Variants in ZDHHC6 observed in about 807,000 individuals in gnomAD.
ZDHHC6 encodes zDHHC palmitoyltransferase 6.
In ZDHHC6, 32 loss-of-function variants were observed where a neutral mutation model predicts 57.8. The ratio of observed to expected loss-of-function variants is 0.55; its 90% CI spans 0.42 to 0.74. The LOEUF is 0.74. Ranked by LOEUF, ZDHHC6 falls within the 30% of genes least tolerant of loss-of-function variation. ZDHHC6 has a pLI of 0.00. For missense variants in ZDHHC6, 433 were observed against 500.7 expected (o/e 0.86, Z 1.29); for synonymous variants, 128 against 158.0 (o/e 0.81, Z 1.42).
At chr10:112,428,410 T>C (rs1008640000), downstream of ZDHHC6, 1 of 398,624 alleles carries the variant, frequency 2.5e-6, no homozygotes, top group Non-Finnish European at 4.4e-6. Context: ...TCATGGACCA[T>C]GATGAAAATC....
At chr10:112,424,695 G>A (rs1192075292) in exon 12 of ZDHHC6, 2 of 152,288 alleles carry the variant, frequency 1.3e-5, no homozygotes, top group East Asian at 3.9e-4. Flanking sequence ...GTTAGCATGT[G>A]GATTTTATTT....
At chr10:112,442,394 G>A (rs768653207) in intron 3 of ZDHHC6, 43 bp from the exon 4 acceptor site, 5 of 1,572,866 alleles carry the variant, frequency 3.2e-6, no homozygotes, top group Non-Finnish European at 4.3e-6. Context: ...AGAAAATCCT[G>A]TCTACTTTAA....
rs1846583800 is a variant in ZDHHC6, at chr10:112,445,577, C to G, written c.-141G>C. Reference sequence around the variant, plus strand: ...CTGTGAACTGTTAACGCAGATTACACCATTTTCACTGTCAGGCACCCAAAG... The same window carrying G: ...CTGTGAACTGTTAACGCAGATTACAGCATTTTCACTGTCAGGCACCCAAAG... On this transcript the variant is annotated 5_prime_UTR_variant, in exon 2 of 11. Coordinates refer to ENST00000369405, the MANE Select transcript of ZDHHC6 (RefSeq NM_022494.3). 1.0e-6 allele frequency: 1 copy of G among 974,390 alleles called. No homozygotes were observed. The highest frequency in any genetic ancestry group is 1.5e-6 in the Non-Finnish European group (1 of 680,718). 60.4% of individuals were successfully genotyped at this position (974,390 alleles called of 1,614,324 possible).
intron 1 of ZDHHC6, among the ~76,000 whole-genome samples, chr10:112,446,421 C>T (rs1370018913): frequency 6.6e-6 from 1 of 152,078 alleles, no homozygotes; most frequent in Non-Finnish European, 1.5e-5. Flanking sequence ...CGGCGAGCTC[C>T]GGAGAGATTT....
downstream of ZDHHC6, chr10:112,427,275 C>CCAA: frequency 6.2e-7 from 1 of 1,613,840 alleles, no homozygotes; most frequent in Non-Finnish European, 8.5e-7. Flanking sequence ...GCTCTTGACA[C>CCAA]CAACATTGAA....
rs1187208063 is a variant in ZDHHC6 at position 112,430,328 on chromosome 10, T to C, written c.*476A>G. Reference sequence around the variant, plus strand: ...TACCCAACATCCATTGATCTTTATTTGATTTGACAAAATCTGCATTTTTAA... The same window carrying C: ...TACCCAACATCCATTGATCTTTATTCGATTTGACAAAATCTGCATTTTTAA... On this transcript the variant is annotated 3_prime_UTR_variant, in exon 11 of 11. Coordinates refer to ENST00000369405, the MANE Select transcript of ZDHHC6 (RefSeq NM_022494.3). 1.3e-5 allele frequency: 2 copies of C among 152,328 alleles called. No homozygotes were observed. The highest frequency in any genetic ancestry group is 6.5e-5 in the Admixed American group (1 of 15,288). 9.4% of individuals were successfully genotyped at this position (152,328 alleles called of 1,614,324 possible).
downstream of ZDHHC6, among the ~76,000 whole-genome samples, chr10:112,430,014 A>T (rs192428293): frequency 2.0e-3 from 310 of 152,224 alleles, no homozygotes; most frequent in Non-Finnish European, 3.3e-3. Context: ...CCTAGAGCAC[A>T]AGGATGCCCG....
intron 5 of ZDHHC6, among the ~76,000 whole-genome samples, chr10:112,439,991 TATG>T (rs1485550789): frequency 1.3e-5 from 2 of 152,146 alleles, no homozygotes. Context: ...TTAGCTATAT[TATG>T]ATTACTATTA....
intron 3 of ZDHHC6, among the ~76,000 whole-genome samples, chr10:112,442,749 T>C (rs1219146585): frequency 2.0e-5 from 3 of 152,170 alleles, no homozygotes; most frequent in Non-Finnish European, 4.4e-5. Context: ...AAATCCCTTA[T>C]AGACCTCCAG....
chr10:112,447,397 C>G, upstream of ZDHHC6: 1 of 1,613,674 alleles, frequency 6.2e-7, no homozygotes, highest in Non-Finnish European at 8.5e-7. Flanking sequence ...TCGAAGGTTA[C>G]GAGCAGGACT....
Position 112,445,336 on chromosome 10 carries a change from C to T in ZDHHC6, c.101G>A (p.Cys34Tyr). The change falls in exon 2 of 11, where the codon TGT (cysteine) becomes TAT (tyrosine). Residue 34 changes from cysteine (C) to tyrosine (Y), a missense_variant. Cys to Tyr is a radical substitution (Grantham distance 194). Coordinates refer to ENST00000369405, the MANE Select transcript of ZDHHC6 (RefSeq NM_022494.3). ...AGAGTCAATCATGGCCATGGTAGAA[C>T]ATATTGCTATAACACCAAGGGCTAT... The part of the protein sequence containing the change: ...PIIALGVIAI[C>Y]STMAMIDSVL... 5 of 1,614,176 alleles carry T rather than the reference C, an allele frequency of 3.1e-6. No individual in the cohort carries two copies. Among genetic ancestry groups the T allele is most frequent in the Non-Finnish European group, 4.2e-6 (5 of 1,180,038 alleles).
At chr10:112,434,903 C>T (rs577612328) in intron 6 of ZDHHC6, among the ~76,000 whole-genome samples, 1 of 152,116 alleles carries the variant, frequency 6.6e-6, no homozygotes, top group Non-Finnish European at 1.5e-5. Flanking sequence ...GTGGGGTGCA[C>T]CAGAATGTAA....
At chr10:112,442,971 A>C (rs1184586185) in intron 3 of ZDHHC6, among the ~76,000 whole-genome samples, 1 of 152,216 alleles carries the variant, frequency 6.6e-6, no homozygotes, top group East Asian at 1.9e-4. Flanking sequence ...ATTTCTTACT[A>C]ATCAGTGATT....
intron 7 of ZDHHC6, 68 bp downstream of exon 7, chr10:112,434,229 A>C: frequency 7.0e-7 from 1 of 1,423,062 alleles, no homozygotes; most frequent in Admixed American, 2.4e-5. Flanking sequence ...ATGTCACTTG[A>C]GTTGAGGGGG....
At chr10:112,426,325 T>C (rs757813448), downstream of ZDHHC6, 7 of 1,613,972 alleles carry the variant, frequency 4.3e-6, no homozygotes, top group Non-Finnish European at 5.9e-6. Context: ...AAGCTTGGGG[T>C]GAAGGGCTCC....
chr10:112,429,973 G>T (rs867386830), downstream of ZDHHC6, among the ~76,000 whole-genome samples: 3 of 151,624 alleles, frequency 2.0e-5, no homozygotes, highest in Non-Finnish European at 4.4e-5. Flanking sequence ...TGTTGGGGGG[G>T]GGGTGTGGGG....
chr10:112,446,898 G>A lies in ZDHHC6; in HGVS notation c.-408C>T, dbSNP rs1050868864. ...ACAAGCCGAGCACCTCTCGGCCAGC[G>A]CCCTCGCCAGGACTCTCCCGCTCAG... On this transcript the variant is annotated 5_prime_UTR_variant, in exon 1 of 11. Coordinates refer to ENST00000369405, the MANE Select transcript of ZDHHC6 (RefSeq NM_022494.3). 1.6e-5 allele frequency: 3 copies of A among 192,598 alleles called. No homozygotes were observed. The highest frequency in any genetic ancestry group is 7.0e-5 in the African/African-American group (3 of 42,794). 11.9% of individuals were successfully genotyped at this position (192,598 alleles called of 1,614,324 possible).
chr10:112,439,288 T>G (rs759672774), intron 5 of ZDHHC6, among the ~76,000 whole-genome samples: 1 of 152,188 alleles, frequency 6.6e-6, no homozygotes, highest in Non-Finnish European at 1.5e-5. Flanking sequence ...TGGCCCACAG[T>G]AGGCCTTCAA....
At chr10:112,445,079 G>GT (rs1846514692) in intron 2 of ZDHHC6, 91 bp downstream of exon 2, 7 of 1,400,064 alleles carry the variant, frequency 5.0e-6, no homozygotes, top group Non-Finnish European at 6.8e-6. Context: ...ACAAACAGTA[G>GT]GCTGTGTTTG....
Sources: allele counts gnomAD v4.1 joint callset (sites outside exome capture counted in the v4.1 genomes callset), GRCh38; gene constraint gnomAD v4.1.1; transcripts MANE v1.5; gene names NCBI Gene and HGNC (gene_info 2026-07-23, HGNC 2026-07-21).